Variants in SLIT2 observed in about 807,000 individuals in gnomAD.
SLIT2 encodes slit homolog 2 protein.
A neutral mutation model predicts 185.7 loss-of-function variants in SLIT2; 41 were observed. The ratio of observed to expected loss-of-function variants is 0.22; its 90% CI spans 0.17 to 0.29. SLIT2 has a LOEUF of 0.29. Among genes scored for constraint, SLIT2 ranks in the 10% least tolerant of loss-of-function variants. The pLI is 1.00. For synonymous variants in SLIT2, 693 were observed against 680.2 expected (o/e 1.02, Z -0.29); for missense variants, 1,571 against 1,909.0 (o/e 0.82, Z 3.30).
At chr4:20,513,845 A>G (rs1239297399) in intron 11 of SLIT2, among the ~76,000 whole-genome samples, 1 of 152,178 alleles carries the variant, frequency 6.6e-6, no homozygotes, top group Non-Finnish European at 1.5e-5. Flanking sequence ...AAAGGCATTC[A>G]AGACAGAGGG....
intron 14 of SLIT2, 112 bp from the exon 15 acceptor site, chr4:20,525,036 CA>C: frequency 1.3e-6 from 1 of 756,116 alleles, no homozygotes; most frequent in Non-Finnish European, 2.3e-6. Context: ...TGTGAATATA[CA>C]TTTTTCACTT....
intron 29 of SLIT2, among the ~76,000 whole-genome samples, chr4:20,570,592 AG>A (rs962601958): frequency 2.0e-5 from 3 of 151,394 alleles, no homozygotes; most frequent in African/African-American, 7.3e-5. Context: ...CATTATAGAC[AG>A]GGCTTAAGAA....
intron 5 of SLIT2, among the ~76,000 whole-genome samples, chr4:20,475,851 T>C (rs557177300): frequency 1.3e-5 from 2 of 152,282 alleles, no homozygotes; most frequent in East Asian, 1.9e-4. Context: ...TATCTGTTGC[T>C]TCTTCCCCCC....
chr4:20,541,767 G>A (rs1722816874), intron 20 of SLIT2, 148 bp downstream of exon 20: 1 of 661,832 alleles, frequency 1.5e-6, no homozygotes, highest in South Asian at 2.0e-5. Flanking sequence ...TTAGTGCCAG[G>A]ACACTTACTT....
intron 4 of SLIT2, among the ~76,000 whole-genome samples, chr4:20,280,287 C>A (rs7668969): frequency 2.7e-5 from 4 of 148,556 alleles, no homozygotes; most frequent in African/African-American, 1.0e-4. Flanking sequence ...GAGCCGAGAC[C>A]GCATCACTGC....
At chr4:20,471,593 G>T (rs991085968) in intron 5 of SLIT2, among the ~76,000 whole-genome samples, 6 of 152,164 alleles carry the variant, frequency 3.9e-5, no homozygotes, top group Non-Finnish European at 7.4e-5. Flanking sequence ...ATAGCACTAT[G>T]TAAAAGCCCA....
intron 4 of SLIT2, among the ~76,000 whole-genome samples, chr4:20,466,510 C>T (rs1033112): frequency 0.19 from 28,656 of 151,898 alleles, 3,132 homozygotes; most frequent in Non-Finnish European, 0.24. Flanking sequence ...AATTGCTTAG[C>T]AAAAAAACAT....
chr4:20,503,741 C>T (rs1444904557), intron 9 of SLIT2, among the ~76,000 whole-genome samples: 5 of 152,112 alleles, frequency 3.3e-5, no homozygotes, highest in Non-Finnish European at 7.4e-5. Flanking sequence ...AGGCGTTTCT[C>T]TCCTATAAAA....
intron 4 of SLIT2, among the ~76,000 whole-genome samples, chr4:20,385,094 A>G (rs1464451821): frequency 2.0e-5 from 3 of 152,118 alleles, no homozygotes; most frequent in Non-Finnish European, 4.4e-5. Context: ...TTGCTGGACT[A>G]AGTAAGTCAC....
chr4:20,520,387 TATC>T (rs1577844222), intron 12 of SLIT2, among the ~76,000 whole-genome samples: 2 of 152,232 alleles, frequency 1.3e-5, no homozygotes, highest in African/African-American at 4.8e-5. Flanking sequence ...ATTCTATTCA[TATC>T]ATCAGAGGAC....
intron 4 of SLIT2, among the ~76,000 whole-genome samples, chr4:20,293,167 G>A (rs931695786): frequency 6.6e-6 from 1 of 152,206 alleles, no homozygotes; most frequent in African/African-American, 2.4e-5. Context: ...GGTTAAGGAA[G>A]GAAAGTCCAT....
chr4:20,531,062 T>G (rs929563904), intron 16 of SLIT2, among the ~76,000 whole-genome samples: 1 of 152,094 alleles, frequency 6.6e-6, no homozygotes, highest in African/African-American at 2.4e-5. Context: ...TATGGAAATC[T>G]TTTTTGCTAT....
At chr4:20,511,586 A>AATTTTTTTTTTT (rs1719724688) in intron 11 of SLIT2, among the ~76,000 whole-genome samples, 1 of 25,458 alleles carries the variant, frequency 3.9e-5, no homozygotes, top group African/African-American at 1.8e-4. Context: ...ACATCCAGCT[A>AATTTTTTTTTTT]ATTTTTTTTT....
intron 4 of SLIT2, among the ~76,000 whole-genome samples, chr4:20,300,412 G>A (rs900653783): frequency 1.3e-5 from 2 of 152,064 alleles, no homozygotes; most frequent in Non-Finnish European, 2.9e-5. Context: ...TCTTGACAAG[G>A]AACATGGAAT....
At chr4:20,545,162 T>A (rs1028588773) in intron 21 of SLIT2, among the ~76,000 whole-genome samples, 1 of 151,904 alleles carries the variant, frequency 6.6e-6, no homozygotes, top group African/African-American at 2.4e-5. Context: ...ACCACAACAT[T>A]GGGGTAGGAA....
At chr4:20,598,730 G>A (rs1728177825) in intron 33 of SLIT2, among the ~76,000 whole-genome samples, 1 of 152,074 alleles carries the variant, frequency 6.6e-6, no homozygotes, top group African/African-American at 2.4e-5. Context: ...CTCTGTAAAG[G>A]CTTTGTAGAG....
intron 4 of SLIT2, among the ~76,000 whole-genome samples, chr4:20,311,064 T>G (rs1181571537): frequency 6.6e-6 from 1 of 152,190 alleles, no homozygotes; most frequent in Non-Finnish European, 1.5e-5. Flanking sequence ...TTTTTTTAAT[T>G]TTTTGTTGAA....
intron 29 of SLIT2, among the ~76,000 whole-genome samples, chr4:20,588,602 T>G (rs540338880): frequency 6.6e-6 from 1 of 152,314 alleles, no homozygotes; most frequent in African/African-American, 2.4e-5. Flanking sequence ...TAACTTAAAA[T>G]GTATTATGTA....
intron 9 of SLIT2, among the ~76,000 whole-genome samples, chr4:20,494,343 A>C (rs1471608929): frequency 6.6e-6 from 1 of 152,230 alleles, no homozygotes; most frequent in Admixed American, 6.5e-5. Context: ...AGACTCTGCC[A>C]GAGTTTCAAG....
Sources: gnomAD v4.1 joint callset for allele counts (sites outside exome capture counted in the v4.1 genomes callset) on GRCh38, gnomAD v4.1.1 for gene constraint, MANE v1.5 for transcripts, NCBI Gene and HGNC (gene_info 2026-07-23, HGNC 2026-07-21) for gene names.